Variants in ANXA4 observed in about 807,000 individuals in gnomAD.
The protein encoded by ANXA4 is 35-beta calcimedin.
A neutral mutation model predicts 49.8 loss-of-function variants in ANXA4; 39 were observed. That is an observed-to-expected ratio of 0.78 (90% CI 0.61 to 1.02). The LOEUF (loss-of-function observed/expected upper bound fraction) is 1.02, where lower values mean the gene tolerates loss of function less well. Among genes scored for constraint, ANXA4 ranks in the 50% least tolerant of loss-of-function variants. The probability of loss-of-function intolerance (pLI) is 0.00; values close to 1 mark genes in which losing one functional copy is unlikely to be tolerated. For missense variants in ANXA4, 360 were observed against 410.1 expected (o/e 0.88, Z 1.05); for synonymous variants, 134 against 152.5 (o/e 0.88, Z 0.89).
chr2:69,684,986 G>A (rs995154574), intron 2 of ANXA4, among the ~76,000 whole-genome samples: 3 of 152,112 alleles, frequency 2.0e-5, no homozygotes, highest in Admixed American at 2.0e-4. Flanking sequence ...TTTGGGTCTT[G>A]AGAAAACATT....
At chr2:69,719,863 T>C (rs1669771087) in intron 2 of ANXA4, among the ~76,000 whole-genome samples, 1 of 152,188 alleles carries the variant, frequency 6.6e-6, no homozygotes, top group Non-Finnish European at 1.5e-5. Flanking sequence ...CCTGCTTAAG[T>C]GATCGTCCCA....
At chr2:69,689,442 C>A (rs1310137177) in intron 2 of ANXA4, among the ~76,000 whole-genome samples, 1 of 152,076 alleles carries the variant, frequency 6.6e-6, no homozygotes, top group African/African-American at 2.4e-5. Flanking sequence ...GTCAATCTCA[C>A]ATTTATACTT....
intron 3 of ANXA4, among the ~76,000 whole-genome samples, chr2:69,734,881 T>C (rs1243851913): frequency 2.0e-5 from 3 of 152,214 alleles, no homozygotes; most frequent in African/African-American, 7.2e-5. Context: ...GAGTGGGTAT[T>C]CAGCAACATC....
At chr2:69,794,956 A>G (rs1385325160) in intron 3 of ANXA4, among the ~76,000 whole-genome samples, 1 of 152,166 alleles carries the variant, frequency 6.6e-6, no homozygotes, top group Admixed American at 6.5e-5. Flanking sequence ...CCTAACTATC[A>G]AAGGAAATGG....
intron 2 of ANXA4, among the ~76,000 whole-genome samples, chr2:69,683,572 T>C (rs1010330021): frequency 1.3e-5 from 2 of 152,208 alleles, no homozygotes; most frequent in Non-Finnish European, 2.9e-5. Flanking sequence ...CGATATGCGC[T>C]GTCTTCTTCT....
In ANXA4 at chr2:69,820,756, G is replaced by C. The variant is rs1215849773; in HGVS notation, c.841G>C (p.Asp281His). The change falls in exon 12 of 13, where the codon GAC (aspartate) becomes CAC (histidine). Residue 281 changes from aspartate to histidine, a missense_variant. Transcript: ENST00000394295. The stretch of plus-strand genomic sequence containing the variant: ...AGTGATGGTTTCTCGAGCAGAAATT[G>C]ACATGTTGGATATCCGGGCACACTT... ...IRVMVSRAEI[D>H]MLDIRAHFKR... The C allele has an allele frequency of 1.2e-6, 2 of 1,614,086 alleles. No individual in the cohort carries two copies. The highest frequency in any genetic ancestry group is 1.1e-5 in the South Asian group (1 of 91,068).
chr2:69,756,266 C>T (rs1671035366), intron 1 of ANXA4, among the ~76,000 whole-genome samples: 1 of 152,214 alleles, frequency 6.6e-6, no homozygotes. Context: ...CCAAATAGCC[C>T]TGCCTTGGGG....
intron 2 of ANXA4, among the ~76,000 whole-genome samples, chr2:69,681,602 G>C (rs894762516): frequency 1.3e-5 from 2 of 152,032 alleles, no homozygotes; most frequent in African/African-American, 4.8e-5. Flanking sequence ...AAAGTGCTGG[G>C]ATTACAGGCA....
chr2:69,705,351 T>C (rs1475702837), intron 2 of ANXA4, among the ~76,000 whole-genome samples: 1 of 152,172 alleles, frequency 6.6e-6, no homozygotes, highest in African/African-American at 2.4e-5. Context: ...CGTGGGATTA[T>C]AGGGCTTCCT....
At chr2:69,746,962 C>T (rs1182103699) in intron 1 of ANXA4, among the ~76,000 whole-genome samples, 1 of 152,114 alleles carries the variant, frequency 6.6e-6, no homozygotes, top group Non-Finnish European at 1.5e-5. Context: ...TGCACTACTA[C>T]ACTCCAGCCT....
intron 2 of ANXA4, among the ~76,000 whole-genome samples, chr2:69,696,972 A>G (rs1480991542): frequency 6.6e-6 from 1 of 152,194 alleles, no homozygotes; most frequent in Non-Finnish European, 1.5e-5. Context: ...TAAGGGTCCT[A>G]GGATTTCCAG....
rs900773616 is a variant in ANXA4 at position 69,801,320 on chromosome 2, GA to G, written c.98-3204del. On this transcript the variant is annotated intron_variant, in intron 3 of 12. Coordinates refer to ENST00000394295, the MANE Select transcript of ANXA4 (RefSeq NM_001153.5). The stretch of plus-strand genomic sequence containing the variant: ...TGATTTTTCAGGCTGCTCTTTGTTA[GA>G]AAAAAAAATGATTTTGGGGGCTGCT... 4.7e-5 allele frequency among the ~76,000 whole-genome samples: 7 copies of G among 149,796 alleles called. No individual in the cohort carries two copies. The East Asian group carries it at 1.2e-3, about 25-fold the overall frequency.
chr2:69,678,070 T>A (rs527667550), intron 2 of ANXA4, among the ~76,000 whole-genome samples: 1 of 152,296 alleles, frequency 6.6e-6, no homozygotes, highest in East Asian at 1.9e-4. Flanking sequence ...ACCAAAAAAA[T>A]TTGTGTGACT....
At chr2:69,711,365 A>G (rs1326939473) in intron 2 of ANXA4, among the ~76,000 whole-genome samples, 1 of 152,264 alleles carries the variant, frequency 6.6e-6, no homozygotes. Context: ...TCTCAGCAGT[A>G]AAAATGAATA....
At chr2:69,666,890 A>G (rs1264469213) in intron 2 of ANXA4, among the ~76,000 whole-genome samples, 1 of 152,150 alleles carries the variant, frequency 6.6e-6, no homozygotes, top group African/African-American at 2.4e-5. Flanking sequence ...TACTAAAAAT[A>G]CAAAAATTAG....
chr2:69,723,176 G>A (rs11890955), intron 3 of ANXA4, among the ~76,000 whole-genome samples: 29,945 of 141,530 alleles, frequency 0.21, 3,465 homozygotes, highest in East Asian at 0.36. Flanking sequence ...CGGCGACAGA[G>A]CAAGACTGTC....
chr2:69,785,463 C>G (rs958935644), intron 2 of ANXA4, among the ~76,000 whole-genome samples: 5 of 152,076 alleles, frequency 3.3e-5, no homozygotes, highest in Non-Finnish European at 5.9e-5. Context: ...TGGCATTACC[C>G]CATAGGCTTG....
chr2:69,810,547 G>A (rs1673651868), intron 6 of ANXA4, 47 bp from the exon 7 acceptor site: 1 of 1,521,342 alleles, frequency 6.6e-7, no homozygotes, highest in Admixed American at 1.7e-5. Flanking sequence ...ACAGGGCATT[G>A]GGCAAGACTC....
At chr2:69,775,518 T>C (rs2103626196) in intron 1 of ANXA4, among the ~76,000 whole-genome samples, 1 of 152,282 alleles carries the variant, frequency 6.6e-6, no homozygotes, top group East Asian at 1.9e-4. Flanking sequence ...GCAATCACCA[T>C]ACATAGCAGC....
Sources: allele counts gnomAD v4.1 joint callset (sites outside exome capture counted in the v4.1 genomes callset), GRCh38; gene constraint gnomAD v4.1.1; transcripts MANE v1.5; gene names NCBI Gene and HGNC (gene_info 2026-07-23, HGNC 2026-07-21).